ATXN7L1: variants seen among roughly 807,000 people sequenced by gnomAD.
ATXN7L1 encodes the protein ataxin-7-like protein 1.
ATXN7L1 carries 15 observed loss-of-function variants against 70.8 expected under a neutral mutation model. That is an observed-to-expected ratio of 0.21 (90% CI 0.14 to 0.33). ATXN7L1 has a LOEUF of 0.33. ATXN7L1 is among the 10% of genes least tolerant of loss of function. The probability of loss-of-function intolerance (pLI) is 1.00; values close to 1 mark genes in which losing one functional copy is unlikely to be tolerated. For missense variants in ATXN7L1, 975 were observed against 1,097.1 expected, an observed-to-expected ratio of 0.89 and a Z score of 1.57; for synonymous variants, 440 against 445.1, an observed-to-expected ratio of 0.99 and a Z score of 0.14.
chr7:105,608,905 C>T (rs1461351274), intron 11 of ATXN7L1, among the ~76,000 whole-genome samples: 5 of 152,172 alleles, frequency 3.3e-5, no homozygotes, highest in African/African-American at 1.2e-4. Flanking sequence ...CACGCACACC[C>T]ACACATTTTC....
rs920850100 is a variant in ATXN7L1 at position 105,607,762 on chromosome 7, C to T, written c.*90G>A. The T allele has an allele frequency of 1.6e-6, 2 of 1,223,718 alleles. No individual in the cohort carries two copies. Among genetic ancestry groups the T allele is most frequent in the East Asian group, 2.5e-5 (1 of 39,348 alleles). 75.8% of individuals were successfully genotyped at this position (1,223,718 alleles called of 1,614,324 possible). ...GTGCACAGAAAACAGACTCTCCCCC[C>T]AGCCCACTCCCCTCCCTCCTCCTCC... On this transcript the variant is annotated 3_prime_UTR_variant, in exon 12 of 12. Coordinates refer to ENST00000419735, the MANE Select transcript of ATXN7L1 (RefSeq NM_020725.2).
rs1225844523 is a variant in ATXN7L1, at chr7:105,607,769, C to T, written c.*83G>A. Reference sequence around the variant, plus strand: ...GAAAACAGACTCTCCCCCCAGCCCACTCCCCTCCCTCCTCCTCCCCATGGC... The same window carrying T: ...GAAAACAGACTCTCCCCCCAGCCCATTCCCCTCCCTCCTCCTCCCCATGGC... On this transcript the variant is annotated 3_prime_UTR_variant, in exon 12 of 12. Transcript: ENST00000419735. 1 of 1,305,826 alleles carries T rather than the reference C, an allele frequency of 7.7e-7. No homozygotes were observed. The highest frequency in any genetic ancestry group is 1.1e-6 in the Non-Finnish European group (1 of 924,338). The allele number at this position is 1,305,826 out of a possible 1,614,324, so 80.9% of individuals were successfully genotyped here.
chr7:105,718,707 C>G (rs1198643651), intron 3 of ATXN7L1, among the ~76,000 whole-genome samples: 1 of 152,220 alleles, frequency 6.6e-6, no homozygotes, highest in Non-Finnish European at 1.5e-5. Context: ...TTGGGGCCAA[C>G]CCAGGTTACT....
chr7:105,757,212 A>G (rs565074102), intron 3 of ATXN7L1, among the ~76,000 whole-genome samples: 2 of 141,860 alleles, frequency 1.4e-5, no homozygotes, highest in Admixed American at 7.1e-5. Context: ...GAAAAAAAAA[A>G]TCAGGTTTGT....
chr7:105,606,240 A>T lies in ATXN7L1; in HGVS notation c.*1612T>A, dbSNP rs1199471899. On this transcript the variant is annotated 3_prime_UTR_variant, in exon 12 of 12. Transcript: ENST00000419735. ...TAAACAAATCATTTTATATTAAAAA[A>T]TTTAGTAATCCTATAAGAAACACTC... 4 of 152,200 alleles carry T rather than the reference A, an allele frequency of 2.6e-5. No homozygotes were observed. Among genetic ancestry groups the T allele is most frequent in the Non-Finnish European group, 4.4e-5 (3 of 68,030 alleles). The allele number at this position is 152,200 out of a possible 1,614,324, so 9.4% of individuals were successfully genotyped here.
At chr7:105,707,220 T>TGAATTCAACCCA (rs1412582954) in intron 3 of ATXN7L1, among the ~76,000 whole-genome samples, 1 of 151,836 alleles carries the variant, frequency 6.6e-6, no homozygotes, top group Non-Finnish European at 1.5e-5. Flanking sequence ...ACCCAGGCGG[T>TGAATTCAACCCA]GGGTTGAATT....
At position 105,683,297 on chromosome 7, in the gene ATXN7L1, A is replaced by G. The variant is rs183372122; in HGVS notation, c.356-18009T>C. 9.2e-5 allele frequency among the ~76,000 whole-genome samples: 14 copies of G among 152,292 alleles called. 1 individual carries two copies. Among genetic ancestry groups the G allele is most frequent in the Admixed American group, 9.2e-4 (14 of 15,288 alleles). On this transcript the variant is annotated intron_variant, in intron 3 of 11. Transcript: ENST00000419735. ...TTCTGCGTTAGGATCTCCTTTACGT[A>G]TTGATACTGAAGATAGACTGGTTGT... is the stretch of plus-strand genomic sequence containing the variant.
chr7:105,865,637 G>A (rs184969926), intron 2 of ATXN7L1, among the ~76,000 whole-genome samples: 20 of 152,184 alleles, frequency 1.3e-4, no homozygotes, highest in Middle Eastern at 3.4e-3. Context: ...TCCTGACCTC[G>A]TGATCTGCCC....
At chr7:105,762,052 G>C (rs1408115385) in intron 3 of ATXN7L1, among the ~76,000 whole-genome samples, 3 of 152,156 alleles carry the variant, frequency 2.0e-5, no homozygotes, top group Non-Finnish European at 4.4e-5. Flanking sequence ...GAGCCAGGGT[G>C]GCCAAAACAA....
chr7:105,835,172 T>C (rs1205440561), intron 2 of ATXN7L1, among the ~76,000 whole-genome samples: 1 of 103,366 alleles, frequency 9.7e-6, no homozygotes, highest in African/African-American at 3.5e-5. Flanking sequence ...TTTTTTTTTT[T>C]GAGAAAGGGT....
chr7:105,634,518 AT>A (rs367600774), intron 7 of ATXN7L1, among the ~76,000 whole-genome samples: 58 of 151,438 alleles, frequency 3.8e-4, no homozygotes, highest in African/African-American at 5.6e-4. Context: ...TTAGATGAGA[AT>A]TTTTTTTTCC....
At chr7:105,677,625 T>G (rs532759838) in intron 3 of ATXN7L1, among the ~76,000 whole-genome samples, 1 of 152,334 alleles carries the variant, frequency 6.6e-6, no homozygotes, top group Admixed American at 6.5e-5. Context: ...GCTACCACAG[T>G]GCCAACTCAT....
chr7:105,774,415 G>A (rs1305695443), intron 3 of ATXN7L1, among the ~76,000 whole-genome samples: 2 of 147,962 alleles, frequency 1.4e-5, no homozygotes, highest in Non-Finnish European at 1.5e-5. Context: ...GCAGTGGCAC[G>A]ATCTTGGCTC....
chr7:105,731,234 C>T (rs1043760744), intron 3 of ATXN7L1, among the ~76,000 whole-genome samples: 3 of 152,116 alleles, frequency 2.0e-5, no homozygotes, highest in Non-Finnish European at 2.9e-5. Flanking sequence ...ATCCCCAAGA[C>T]GGCTCATTAT....
chr7:105,712,881 G>A (rs947910810), intron 3 of ATXN7L1, among the ~76,000 whole-genome samples: 1 of 152,158 alleles, frequency 6.6e-6, no homozygotes, highest in African/African-American at 2.4e-5. Context: ...TATCTTTATA[G>A]CAGTGTTTCA....
Position 105,862,890 on chromosome 7 carries a change from C to G in ATXN7L1, c.250+12922G>C, listed in dbSNP as rs80015105. On this transcript the variant is annotated intron_variant, in intron 2 of 11. Transcript: ENST00000419735. ...CATTCTGTGCCTTTCCCAGCCACTCCAATCCAAAGGATCCTCTTTGTCACT... is the reference window on the plus strand; with the variant it reads ...CATTCTGTGCCTTTCCCAGCCACTCGAATCCAAAGGATCCTCTTTGTCACT... Among the ~76,000 whole-genome samples, 3 of 152,282 alleles carry G rather than the reference C, an allele frequency of 2.0e-5. No individual in the cohort carries two copies. The East Asian group carries it at 5.8e-4, about 29-fold the overall frequency.
chr7:105,745,446 G>A (rs757706286), intron 3 of ATXN7L1, among the ~76,000 whole-genome samples: 8 of 152,026 alleles, frequency 5.3e-5, no homozygotes, highest in African/African-American at 1.2e-4. Context: ...CCGTTTGTAC[G>A]CCTCGTACCA....
chr7:105,793,063 G>T lies in ATXN7L1; in HGVS notation c.251-4355C>A, dbSNP rs115849943. 6.8e-3 allele frequency among the ~76,000 whole-genome samples: 1,035 copies of T among 152,320 alleles called. 11 individuals are homozygous for T. The highest frequency in any genetic ancestry group is 0.024 in the African/African-American group (995 of 41,566). ...TGTAAAAAGTAGCATGAGATTCCCGGATACTCTGACTCTAAAGCCATTTCT... is the reference window on the plus strand; with the variant it reads ...TGTAAAAAGTAGCATGAGATTCCCGTATACTCTGACTCTAAAGCCATTTCT... On this transcript the variant is annotated intron_variant, in intron 2 of 11. Transcript: ENST00000419735.
intron 8 of ATXN7L1, among the ~76,000 whole-genome samples, chr7:105,621,719 T>A (rs900645624): frequency 1.2e-4 from 18 of 152,080 alleles, no homozygotes; most frequent in African/African-American, 4.3e-4. Context: ...ACTCTATAAC[T>A]CAAAAGCAGC....
Sources: allele counts gnomAD v4.1 joint callset (sites outside exome capture counted in the v4.1 genomes callset), GRCh38; gene constraint gnomAD v4.1.1; transcripts MANE v1.5; gene names NCBI Gene and HGNC (gene_info 2026-07-23, HGNC 2026-07-21).